The following NDUFA10 variants were observed in gnomAD, a reference collection of about 807,000 sequenced individuals.
NDUFA10 encodes the protein NADH:ubiquinone oxidoreductase subunit A10, also known as NADH dehydrogenase [ubiquinone] 1 alpha subcomplex subunit 10, mitochondrial.
In NDUFA10, 40 loss-of-function variants were observed where a neutral mutation model predicts 47.8. The observed-to-expected ratio is 0.84, with a 90% confidence interval of 0.65 to 1.09. The LOEUF is 1.09. NDUFA10 is among the 50% of genes least tolerant of loss of function. NDUFA10 has a pLI of 0.00. For synonymous variants in NDUFA10, 183 were observed against 172.2 expected, an observed-to-expected ratio of 1.06 and a Z score of -0.49; for missense variants, 413 against 451.1, an observed-to-expected ratio of 0.92 and a Z score of 0.76.
intron 8 of NDUFA10, among the ~76,000 whole-genome samples, chr2:239,998,371 A>G (rs181813941): frequency 2.6e-5 from 4 of 152,334 alleles, no homozygotes; most frequent in Middle Eastern, 3.4e-3. Context: ...TGCCCAAGGT[A>G]AAAAACCACA....
rs1693658165 is a variant in NDUFA10, at chr2:239,906,506, C to T, written c.295-11192G>A. Among the ~76,000 whole-genome samples, 1 of 152,290 alleles carries T rather than the reference C, an allele frequency of 6.6e-6. No individual in the cohort carries two copies. The highest frequency in any genetic ancestry group is 1.5e-5 in the Non-Finnish European group (1 of 68,022). ...TCATGGAGTCCCCGCACTTATAGTGCCTCCCATTGCTAAGGCAGGCAGGAC... is the reference window on the plus strand; with the variant it reads ...TCATGGAGTCCCCGCACTTATAGTGTCTCCCATTGCTAAGGCAGGCAGGAC... On this transcript the variant is annotated intron_variant, in intron 4 of 5. Transcript: ENST00000419408. The surrounding 1 kb of genome is among the most constrained non-coding windows in gnomAD (Gnocchi z 4.3).
rs1245006454 is a variant in NDUFA10 at position 240,014,802 on chromosome 2, G to T, written c.606C>A (p.His202Gln). ...CGGGCACATCGATGTAAATCACCAGGTGGGGGGGCAGGTAATCGCAGATGG... is the reference window on the plus strand; with the variant it reads ...CGGGCACATCGATGTAAATCACCAGTTGGGGGGGCAGGTAATCGCAGATGG... ...SVTICDYLPP[H>Q]LVIYIDVPVP... is the part of the protein sequence containing the mutation. The change falls in exon 5 of 10, where the codon CAC becomes CAA. Residue 202 changes from histidine to glutamine, a missense_variant. By Grantham distance (24) the His-to-Gln change is conservative. Transcript: ENST00000252711. 1.2e-6 allele frequency: 2 copies of T among 1,614,058 alleles called. No individual in the cohort carries two copies. The highest frequency in any genetic ancestry group is 3.3e-5 in the Admixed American group (2 of 60,012).
At chr2:239,933,494 G>T (rs1266936534) in intron 4 of NDUFA10, among the ~76,000 whole-genome samples, 1 of 149,538 alleles carries the variant, frequency 6.7e-6, no homozygotes, top group Non-Finnish European at 1.5e-5. Flanking sequence ...AAGCCACGGA[G>T]CCTCCATGGT....
rs1693655306 is a variant in NDUFA10 at position 239,906,320 on chromosome 2, T to C, written c.295-11006A>G. On this transcript the variant is annotated intron_variant, in intron 4 of 5. Transcript: ENST00000419408. This position sits in a 1 kb window ranked among gnomAD's most constrained non-coding sequence, Gnocchi z 4.3. ...CTTCAGTTGTGCCTTGCTGACTGTCTAGGCACTGACCACGCCCTGTTGATA... is the reference window on the plus strand; with the variant it reads ...CTTCAGTTGTGCCTTGCTGACTGTCCAGGCACTGACCACGCCCTGTTGATA... Among the ~76,000 whole-genome samples the C allele has an allele frequency of 1.3e-5, 2 of 152,216 alleles. No homozygotes were observed. Among genetic ancestry groups the C allele is most frequent in the South Asian group, 4.1e-4 (2 of 4,836 alleles).
intron 6 of NDUFA10, among the ~76,000 whole-genome samples, chr2:240,011,415 A>C (rs998315936): frequency 6.6e-6 from 1 of 152,230 alleles, no homozygotes; most frequent in Non-Finnish European, 1.5e-5. Flanking sequence ...AAGATAAGCA[A>C]ACCAAAACAA....
At chr2:240,010,270 G>C (rs568240803) in intron 6 of NDUFA10, among the ~76,000 whole-genome samples, 6 of 152,156 alleles carry the variant, frequency 3.9e-5, no homozygotes, top group African/African-American at 4.8e-5. Context: ...TAAAACAGGA[G>C]TTAAAAACAC....
Position 239,960,403 on chromosome 2 carries a change from T to A in NDUFA10, c.*715A>T. ...GAGAGTATATTATTTTGCTTTTGCA[T>A]CTTATGTCATCAACAGCCTAAGCTC... is the stretch of plus-strand genomic sequence containing the variant. On this transcript the variant is annotated 3_prime_UTR_variant, in exon 10 of 10. Transcript: ENST00000252711. 1.0e-6 allele frequency: 1 copy of A among 986,342 alleles called. No individual in the cohort carries two copies. Among genetic ancestry groups the A allele is most frequent in the African/African-American group, 1.7e-5 (1 of 57,394 alleles). The allele number at this position is 986,342 out of a possible 1,614,324, so 61.1% of individuals were successfully genotyped here. A position where few individuals can be genotyped will look rare whatever the true frequency, so the allele number is the denominator to read the frequency against.
chr2:240,021,337 TC>T lies in NDUFA10; in HGVS notation c.319del (p.Asp107ThrfsTer45). On this transcript the variant is annotated frameshift_variant, in exon 3 of 10. Coordinates refer to ENST00000252711, the MANE Select transcript of NDUFA10 (RefSeq NM_004544.4). LOFTEE classifies it high-confidence loss of function. Reference sequence around the variant, plus strand: ...CTCCAAACTACAGTTGCCATTATAGTCGGTGGCGAGGGGCTTCCCATCTCCT... The same window carrying T: ...CTCCAAACTACAGTTGCCATTATAGTGGTGGCGAGGGGCTTCCCATCTCCT... ...TTGDGKPLAT[D>X]YNGNCSLEKF... is the part of the protein sequence containing the mutation. 1 of 1,614,154 alleles carries T rather than the reference TC, an allele frequency of 6.2e-7. No individual in the cohort carries two copies. The highest frequency in any genetic ancestry group is 8.5e-7 in the Non-Finnish European group (1 of 1,180,032).
intron 6 of NDUFA10, among the ~76,000 whole-genome samples, chr2:240,011,351 G>T (rs374618243): frequency 6.6e-6 from 1 of 152,148 alleles, no homozygotes; most frequent in Non-Finnish European, 1.5e-5. Context: ...ATAGAGCTTG[G>T]TTTACTTCTA....
At chr2:239,963,254 G>A (rs1399757176) in intron 9 of NDUFA10, among the ~76,000 whole-genome samples, 1 of 152,248 alleles carries the variant, frequency 6.6e-6, no homozygotes, top group Non-Finnish European at 1.5e-5. Flanking sequence ...AGCCCAGGGG[G>A]TTTGGTATTG....
intron 4 of NDUFA10, among the ~76,000 whole-genome samples, chr2:239,935,442 G>A (rs1018404404): frequency 1.5e-4 from 23 of 152,190 alleles, no homozygotes; most frequent in African/African-American, 2.7e-4. Flanking sequence ...GTCAGAGATC[G>A]GGCCTCGGGG....
intron 3 of NDUFA10, among the ~76,000 whole-genome samples, chr2:240,020,691 T>C (rs1044107770): frequency 3.3e-5 from 5 of 152,190 alleles, no homozygotes; most frequent in Admixed American, 6.5e-5. Context: ...TGCACTGGCC[T>C]ATGGGACCCT....
At chr2:240,000,051 C>A (rs762011580) in intron 8 of NDUFA10, among the ~76,000 whole-genome samples, 2 of 152,228 alleles carry the variant, frequency 1.3e-5, no homozygotes, top group Non-Finnish European at 2.9e-5. Flanking sequence ...CACTGCCAGT[C>A]GTGGAAGAGT....
intron 4 of NDUFA10, among the ~76,000 whole-genome samples, chr2:239,931,786 T>C (rs139285528): frequency 2.3e-3 from 335 of 148,192 alleles, no homozygotes; most frequent in Non-Finnish European, 4.0e-3. Context: ...CAAATCACAC[T>C]CACAGTACTG....
At chr2:239,996,921 C>T (rs901233068) in intron 8 of NDUFA10, among the ~76,000 whole-genome samples, 12 of 151,910 alleles carry the variant, frequency 7.9e-5, no homozygotes, top group African/African-American at 2.4e-4. Context: ...GACACCCCTG[C>T]TTTAAATCAT....
intron 4 of NDUFA10, among the ~76,000 whole-genome samples, chr2:239,950,473 G>A (rs1220348491): frequency 3.3e-5 from 5 of 152,344 alleles, no homozygotes; most frequent in African/African-American, 9.6e-5. Flanking sequence ...CTTGCTCCCC[G>A]AAGACTCTGT....
chr2:240,025,087 G>A (rs1697800455), intron 1 of NDUFA10, 140 bp downstream of exon 1: 2 of 795,262 alleles, frequency 2.5e-6, no homozygotes, highest in Non-Finnish European at 3.7e-6. Flanking sequence ...AATTCCGGAG[G>A]CAGGAGGGGT....
Position 239,988,266 on chromosome 2 carries a change from T to C in NDUFA10, c.999+1808A>G, listed in dbSNP as rs78791796. ...TGCTACATAAATATTGAATAAACTTTACAGTAAGAAGCACCACTAAAGGTA... is the reference window on the plus strand; with the variant it reads ...TGCTACATAAATATTGAATAAACTTCACAGTAAGAAGCACCACTAAAGGTA... On this transcript the variant is annotated intron_variant, in intron 9 of 9. Coordinates refer to ENST00000252711, the MANE Select transcript of NDUFA10 (RefSeq NM_004544.4). 4.4e-3 allele frequency among the ~76,000 whole-genome samples: 668 copies of C among 152,278 alleles called. 12 individuals carry two copies. The highest frequency in any genetic ancestry group is 0.042 in the East Asian group (220 of 5,178).
chr2:239,914,665 AAT>A (rs1220881569), intron 4 of NDUFA10, among the ~76,000 whole-genome samples: 1 of 45,010 alleles, frequency 2.2e-5, no homozygotes, highest in Non-Finnish European at 4.1e-5. Context: ...GACACACACA[AAT>A]ATACAGACAC....
Sources: gnomAD v4.1 joint callset for allele counts (sites outside exome capture counted in the v4.1 genomes callset) on GRCh38, gnomAD v4.1.1 for gene constraint, Gnocchi (gnomAD v3.1) non-coding constraint, MANE v1.5 for transcripts, NCBI Gene and HGNC (gene_info 2026-07-23, HGNC 2026-07-21) for gene names.